The following WWOX variants were observed in gnomAD, a reference collection of about 807,000 sequenced individuals.
WWOX encodes WW domain containing oxidoreductase, also known as WW domain-containing oxidoreductase.
In WWOX, 69 loss-of-function variants were observed where a neutral mutation model predicts 46.2. That is an observed-to-expected ratio of 1.49 (90% CI 1.23 to 1.82). WWOX has a LOEUF of 1.82. WWOX is among the 40% of genes most tolerant of loss of function. The pLI, the probability that WWOX is intolerant of heterozygous loss-of-function variation, is 0.00. For missense variants in WWOX, 919 were observed against 542.6 expected (o/e 1.69, Z -6.89); for synonymous variants, 359 against 202.6 (o/e 1.77, Z -6.56).
At chr16:79,139,836 C>G (rs752964295) in intron 8 of WWOX, among the ~76,000 whole-genome samples, 1 of 152,188 alleles carries the variant, frequency 6.6e-6, no homozygotes, top group Non-Finnish European at 1.5e-5. Flanking sequence ...GTGACAGTAT[C>G]TACTAAAACT....
At chr16:78,252,592 G>T (rs1477517250) in intron 5 of WWOX, among the ~76,000 whole-genome samples, 1 of 152,114 alleles carries the variant, frequency 6.6e-6, no homozygotes, top group Admixed American at 6.5e-5. Flanking sequence ...GTTGACAATG[G>T]CCTTTATTTT....
At chr16:78,412,406 G>C (rs1410941595) in intron 6 of WWOX, among the ~76,000 whole-genome samples, 1 of 152,182 alleles carries the variant, frequency 6.6e-6, no homozygotes, top group African/African-American at 2.4e-5. Context: ...AACTTGGAAA[G>C]AATATAGTGG....
intron 8 of WWOX, among the ~76,000 whole-genome samples, chr16:78,817,652 C>T (rs1040209620): frequency 1.3e-5 from 2 of 152,158 alleles, no homozygotes; most frequent in Non-Finnish European, 2.9e-5. Context: ...TCCTGTACTC[C>T]TGGGTATTGG....
chr16:79,103,335 CTTTAGGGGAATCCA>C (rs1455860294), intron 8 of WWOX, among the ~76,000 whole-genome samples: 4 of 152,266 alleles, frequency 2.6e-5, no homozygotes, highest in African/African-American at 9.6e-5. Flanking sequence ...ATTAAAGTAC[CTTTAGGGGAATCCA>C]GCAGCTGAAA....
At chr16:78,131,069 A>G (rs1029369119) in intron 4 of WWOX, among the ~76,000 whole-genome samples, 1 of 152,236 alleles carries the variant, frequency 6.6e-6, no homozygotes, top group Non-Finnish European at 1.5e-5. Flanking sequence ...TTGTGTATCT[A>G]AACACAGAAG....
chr16:78,446,062 A>G (rs1051993958), intron 8 of WWOX, among the ~76,000 whole-genome samples: 1 of 152,240 alleles, frequency 6.6e-6, no homozygotes, highest in African/African-American at 2.4e-5. Context: ...AGATCTGGAA[A>G]GACTAAGCGC....
intron 8 of WWOX, among the ~76,000 whole-genome samples, chr16:78,532,614 A>C (rs1443310451): frequency 1.3e-5 from 2 of 152,204 alleles, no homozygotes; most frequent in Non-Finnish European, 2.9e-5. Flanking sequence ...TTTACAAAAG[A>C]AAAAGGTTTA....
intron 8 of WWOX, among the ~76,000 whole-genome samples, chr16:79,052,109 T>C (rs1010421171): frequency 6.6e-5 from 10 of 152,010 alleles, no homozygotes; most frequent in Admixed American, 1.3e-4. Context: ...TACATATGTA[T>C]ACATGTGCCA....
chr16:78,185,193 C>T (rs560079392), intron 5 of WWOX, among the ~76,000 whole-genome samples: 9 of 152,222 alleles, frequency 5.9e-5, no homozygotes, highest in African/African-American at 2.2e-4. Context: ...AGAGGGAGGC[C>T]GAGAACTGGA....
At chr16:78,505,850 A>C (rs1224194538) in intron 8 of WWOX, among the ~76,000 whole-genome samples, 1 of 151,996 alleles carries the variant, frequency 6.6e-6, no homozygotes, top group African/African-American at 2.4e-5. Flanking sequence ...GAGTGGGTGG[A>C]GAGGACTCCA....
At chr16:78,602,491 C>T (rs563163069) in intron 8 of WWOX, among the ~76,000 whole-genome samples, 38 of 152,314 alleles carry the variant, frequency 2.5e-4, no homozygotes, top group African/African-American at 7.9e-4. Context: ...CTCGGCCTCT[C>T]AAAGTGCTGG....
At chr16:78,804,742 T>C (rs1272988868) in intron 8 of WWOX, among the ~76,000 whole-genome samples, 1 of 152,286 alleles carries the variant, frequency 6.6e-6, no homozygotes, top group African/African-American at 2.4e-5. Flanking sequence ...TTTAAAATGC[T>C]GTTTGTAGCA....
intron 8 of WWOX, among the ~76,000 whole-genome samples, chr16:78,985,240 T>C (rs1036734528): frequency 9.2e-5 from 14 of 152,244 alleles, no homozygotes; most frequent in African/African-American, 3.4e-4. Flanking sequence ...ATGAGGGTTT[T>C]ACAGGCACAA....
chr16:79,060,724 C>T (rs2048343525), intron 8 of WWOX, among the ~76,000 whole-genome samples: 1 of 152,200 alleles, frequency 6.6e-6, no homozygotes, highest in Non-Finnish European at 1.5e-5. Context: ...AGGCCATTGT[C>T]ACTGTATGGA....
intron 8 of WWOX, among the ~76,000 whole-genome samples, chr16:78,943,506 A>G (rs1444562948): frequency 6.6e-6 from 1 of 152,190 alleles, no homozygotes; most frequent in Non-Finnish European, 1.5e-5. Flanking sequence ...AGATCTTCCA[A>G]GCCATGGGGT....
In WWOX at chr16:79,077,042, A is replaced by G. The variant is rs183304063; in HGVS notation, c.1057-134566A>G. 9.2e-5 allele frequency among the ~76,000 whole-genome samples: 14 copies of G among 152,252 alleles called. No individual in the cohort carries two copies. In the East Asian group the frequency reaches 2.3e-3, roughly 25 times the overall value. On this transcript the variant is annotated intron_variant, in intron 8 of 8. Coordinates refer to ENST00000566780, the MANE Select transcript of WWOX (RefSeq NM_016373.4). ...AGGGAAAAACAGTAGCCGATCATCAATTCCCTAAGGTTCCACGTAATAATT... is the reference window on the plus strand; with the variant it reads ...AGGGAAAAACAGTAGCCGATCATCAGTTCCCTAAGGTTCCACGTAATAATT...
At chr16:78,645,713 C>A (rs1201419510) in intron 8 of WWOX, among the ~76,000 whole-genome samples, 2 of 152,144 alleles carry the variant, frequency 1.3e-5, no homozygotes, top group African/African-American at 4.8e-5. Flanking sequence ...CCCCCGTAAC[C>A]TAGACTCCTG....
intron 6 of WWOX, among the ~76,000 whole-genome samples, chr16:78,423,202 C>T (rs563544656): frequency 6.6e-6 from 1 of 152,192 alleles, no homozygotes; most frequent in South Asian, 2.1e-4. Flanking sequence ...TATATATCTT[C>T]CATAACCTTT....
chr16:78,983,111 G>T (rs912982363), intron 8 of WWOX, among the ~76,000 whole-genome samples: 1 of 152,150 alleles, frequency 6.6e-6, no homozygotes, highest in Non-Finnish European at 1.5e-5. Flanking sequence ...GACTGACACT[G>T]AGAATAGCAT....
Sources: allele counts gnomAD v4.1 joint callset (sites outside exome capture counted in the v4.1 genomes callset), GRCh38; gene constraint gnomAD v4.1.1; transcripts MANE v1.5; gene names NCBI Gene and HGNC (gene_info 2026-07-23, HGNC 2026-07-21).